SPATA13: variants seen among roughly 807,000 people sequenced by gnomAD.
SPATA13 encodes the protein spermatogenesis-associated protein 13.
In SPATA13, 50 loss-of-function variants were observed where a neutral mutation model predicts 104.0. The ratio of observed to expected loss-of-function variants is 0.48; its 90% confidence interval spans 0.38 to 0.61. The LOEUF (loss-of-function observed/expected upper bound fraction) is 0.61, where lower values mean the gene tolerates loss of function less well. Ranked by LOEUF, SPATA13 falls within the 20% of genes least tolerant of loss-of-function variation. The probability of loss-of-function intolerance (pLI) is 0.00; values close to 1 mark genes in which losing one functional copy is unlikely to be tolerated. For synonymous variants in SPATA13, 606 were observed against 667.5 expected (o/e 0.91, Z 1.42); for missense variants, 1,524 against 1,690.6 (o/e 0.90, Z 1.73).
chr13:24,132,187 T>G (rs1424971286), intron 3 of SPATA13, among the ~76,000 whole-genome samples: 3 of 152,218 alleles, frequency 2.0e-5, no homozygotes, highest in African/African-American at 7.2e-5. Flanking sequence ...AAATGCCACA[T>G]GCTAAGTGTA....
chr13:24,096,689 ACATGAGGGGGAGT>A, intron 3 of SPATA13, among the ~76,000 whole-genome samples: 1 of 151,062 alleles, frequency 6.6e-6, no homozygotes, highest in South Asian at 2.1e-4. Flanking sequence ...GAGAAATTAG[ACATGAGGGGGAGT>A]CACCTAAGAA....
At chr13:24,064,343 G>C (rs1878877052) in intron 3 of SPATA13, among the ~76,000 whole-genome samples, 4 of 152,168 alleles carry the variant, frequency 2.6e-5, no homozygotes, top group Admixed American at 2.6e-4. Flanking sequence ...TAAATCAATG[G>C]GAGAGCAGTA....
intron 1 of SPATA13, among the ~76,000 whole-genome samples, chr13:24,193,890 C>T (rs1869907726): frequency 6.6e-6 from 1 of 152,076 alleles, no homozygotes; most frequent in Admixed American, 6.6e-5. Flanking sequence ...GGGTGGTGCC[C>T]AGAAGATCAG....
chr13:24,118,157 T>A (rs1880913818), intron 3 of SPATA13, among the ~76,000 whole-genome samples: 1 of 152,130 alleles, frequency 6.6e-6, no homozygotes, highest in African/African-American at 2.4e-5. Context: ...AACCTGAGCG[T>A]AGACCACCAC....
chr13:24,034,179 G>C (rs1191220417), intron 3 of SPATA13: 1 of 152,168 alleles, frequency 6.6e-6, no homozygotes, highest in Non-Finnish European at 1.5e-5. Context: ...GGGAATTCCT[G>C]GAATTATGGT....
At position 24,110,583 on chromosome 13, in the gene SPATA13, A is replaced by G. The variant is rs113563798; in HGVS notation, c.-112+92882A>G. Among the ~76,000 whole-genome samples the G allele has an allele frequency of 6.2e-4, 94 of 152,318 alleles. 1 individual carries two copies. The highest frequency in any genetic ancestry group is 2.0e-3 in the African/African-American group (85 of 41,564). ...CGGTGGAGAAGCAGGGTTTGTGGGTAAATAACCATTTGTTATTCATTCATC... is the reference window on the plus strand; with the variant it reads ...CGGTGGAGAAGCAGGGTTTGTGGGTGAATAACCATTTGTTATTCATTCATC... On this transcript the variant is annotated intron_variant, in intron 3 of 14. Coordinates refer to the SPATA13 transcript ENST00000424834.
Position 24,051,815 on chromosome 13 carries a change from C to T in SPATA13, c.-112+34114C>T, listed in dbSNP as rs575901650. The stretch of plus-strand genomic sequence containing the variant: ...AAGAGCCTGCTAAGAGTTATGTTCT[C>T]CAGGGCAGGGCAGAGGGAGATGCCC... On this transcript the variant is annotated intron_variant, in intron 3 of 14. Transcript: ENST00000424834. The surrounding 1 kb of genome is among the most constrained non-coding windows in gnomAD (Gnocchi z 4.2). Among the ~76,000 whole-genome samples the T allele has an allele frequency of 1.3e-4, 20 of 152,294 alleles. No homozygotes were observed. Among genetic ancestry groups the T allele is most frequent in the African/African-American group, 4.6e-4 (19 of 41,558 alleles).
intron 3 of SPATA13, among the ~76,000 whole-genome samples, chr13:24,154,386 T>C (rs1882196114): frequency 6.6e-6 from 1 of 152,204 alleles, no homozygotes; most frequent in South Asian, 2.1e-4. Flanking sequence ...GCAACATGGA[T>C]GAATCTCAGA....
At chr13:24,239,693 T>TTAA (rs1280564999) in intron 2 of SPATA13, among the ~76,000 whole-genome samples, 4 of 46,940 alleles carry the variant, frequency 8.5e-5, no homozygotes, top group Admixed American at 3.9e-4. Flanking sequence ...AGACCATATC[T>TTAA]AAAAAAAAAA....
rs910112075 is a variant in SPATA13, at chr13:24,260,907, T to A, written c.2164+9045T>A. Among the ~76,000 whole-genome samples the A allele has an allele frequency of 1.6e-4, 25 of 152,246 alleles. 1 individual carries two copies. The highest frequency in any genetic ancestry group is 5.5e-4 in the African/African-American group (23 of 41,464). ...GTGAATGATTGCACCTATGTATGCC[T>A]TAAGTTATGTTCATGGCATGCGTGC... On this transcript the variant is annotated intron_variant, in intron 4 of 12. Coordinates refer to ENST00000382108, the MANE Select transcript of SPATA13 (RefSeq NM_001166271.3).
chr13:24,267,543 A>T (rs555277575), intron 4 of SPATA13, among the ~76,000 whole-genome samples: 1 of 152,320 alleles, frequency 6.6e-6, no homozygotes, highest in African/African-American at 2.4e-5. Context: ...GAAAGTGAGC[A>T]AACAGCCTAC....
chr13:24,082,448 C>T (rs1879553566), intron 3 of SPATA13, among the ~76,000 whole-genome samples: 1 of 152,182 alleles, frequency 6.6e-6, no homozygotes, highest in Non-Finnish European at 1.5e-5. Context: ...TTGAGTTGCT[C>T]TTTGGAGAGT....
intron 2 of SPATA13, among the ~76,000 whole-genome samples, chr13:24,230,231 C>T (rs1038386655): frequency 6.6e-6 from 1 of 152,222 alleles, no homozygotes; most frequent in Non-Finnish European, 1.5e-5. Flanking sequence ...CCACTCAACA[C>T]CTGCTATGTG....
intron 3 of SPATA13, among the ~76,000 whole-genome samples, chr13:24,102,555 A>G (rs927297557): frequency 7.3e-5 from 11 of 149,742 alleles, no homozygotes; most frequent in Non-Finnish European, 1.5e-4. Context: ...GCACACTGCA[A>G]CCTCCTTCTC....
At chr13:24,266,883 T>C (rs761382796) in intron 4 of SPATA13, among the ~76,000 whole-genome samples, 3 of 151,132 alleles carry the variant, frequency 2.0e-5, no homozygotes, top group Non-Finnish European at 3.0e-5. Context: ...CCTCAACCTC[T>C]CAGTCTCAAG....
At chr13:24,122,647 T>A (rs1296725032) in intron 3 of SPATA13, 9 of 1,183,550 alleles carry the variant, frequency 7.6e-6, no homozygotes, top group Non-Finnish European at 6.3e-6. Context: ...ATACTGTATA[T>A]CACTTCAAGA....
At chr13:24,106,969 A>G (rs1039119391) in intron 3 of SPATA13, among the ~76,000 whole-genome samples, 2 of 152,092 alleles carry the variant, frequency 1.3e-5, no homozygotes, top group Admixed American at 6.6e-5. Flanking sequence ...GAATTGACTG[A>G]TAGGATTCTA....
chr13:24,193,773 G>A (rs9511127), intron 1 of SPATA13, among the ~76,000 whole-genome samples: 64,394 of 152,056 alleles, frequency 0.42, 15,992 homozygotes, highest in Non-Finnish European at 0.56. Flanking sequence ...GTGTGGAAAC[G>A]TAGCTATTCC....
At chr13:24,266,093 A>T (rs909305135) in intron 4 of SPATA13, among the ~76,000 whole-genome samples, 1 of 152,188 alleles carries the variant, frequency 6.6e-6, no homozygotes, top group Non-Finnish European at 1.5e-5. Flanking sequence ...AGAGAGGTCA[A>T]GTGCTGACTA....
Sources: gnomAD v4.1 joint callset for allele counts (sites outside exome capture counted in the v4.1 genomes callset) on GRCh38, gnomAD v4.1.1 for gene constraint, Gnocchi (gnomAD v3.1) non-coding constraint, MANE v1.5 for transcripts, NCBI Gene and HGNC (gene_info 2026-07-23, HGNC 2026-07-21) for gene names.